GTF2A1: variants seen among roughly 807,000 people sequenced by gnomAD.
GTF2A1 encodes transcription initiation factor IIA subunit 1.
GTF2A1 carries 12 observed loss-of-function variants against 54.1 expected under a neutral mutation model. The ratio of observed to expected loss-of-function variants is 0.22; its 90% CI spans 0.14 to 0.36. GTF2A1 has a LOEUF of 0.36. GTF2A1 is among the 10% of genes least tolerant of loss of function. GTF2A1 has a pLI of 1.00. For missense variants in GTF2A1, 335 were observed against 442.2 expected, an observed-to-expected ratio of 0.76 and a Z score of 2.17; for synonymous variants, 145 against 152.0, an observed-to-expected ratio of 0.95 and a Z score of 0.34.
At position 81,220,803 on chromosome 14, in the gene GTF2A1, C is replaced by A. The variant is rs1294133499; in HGVS notation, c.-285G>T. 5 of 344,326 alleles carry A rather than the reference C, an allele frequency of 1.5e-5. No homozygotes were observed. Among genetic ancestry groups the A allele is most frequent in the Non-Finnish European group, 2.6e-5 (5 of 191,086 alleles). 21.3% of individuals were successfully genotyped at this position (344,326 alleles called of 1,614,324 possible). ...GGCGTTGCCCGCTCCCCACCCCGCG[C>A]CAAGGAGGGAAACCACCACCGGTCA... On this transcript the variant is annotated 5_prime_UTR_variant, in exon 1 of 9. Transcript: ENST00000553612.
At chr14:81,182,907 G>T (rs911711576) in intron 8 of GTF2A1, among the ~76,000 whole-genome samples, 1 of 152,152 alleles carries the variant, frequency 6.6e-6, no homozygotes, top group African/African-American at 2.4e-5. Flanking sequence ...CCAGATGACA[G>T]GGCTAACTCT....
At chr14:81,188,103 C>G (rs1458773833) in intron 7 of GTF2A1, among the ~76,000 whole-genome samples, 1 of 152,188 alleles carries the variant, frequency 6.6e-6, no homozygotes, top group East Asian at 1.9e-4. Context: ...TTTTCATATG[C>G]TTGTTAGCTA....
chr14:81,213,094 A>G (rs970888960), intron 2 of GTF2A1, among the ~76,000 whole-genome samples: 1 of 152,206 alleles, frequency 6.6e-6, no homozygotes, highest in Non-Finnish European at 1.5e-5. Context: ...ATATTACACT[A>G]TTTTGTTCAG....
At chr14:81,190,556 A>G (rs1892854805) in intron 7 of GTF2A1, among the ~76,000 whole-genome samples, 1 of 152,162 alleles carries the variant, frequency 6.6e-6, no homozygotes, top group South Asian at 2.1e-4. Context: ...AAATTATACA[A>G]ATCATTGCAG....
At chr14:81,203,230 C>G (rs1201704441) in intron 3 of GTF2A1, among the ~76,000 whole-genome samples, 1 of 152,182 alleles carries the variant, frequency 6.6e-6, no homozygotes, top group Non-Finnish European at 1.5e-5. Context: ...GAAACAGTAT[C>G]TATAAAATGA....
At chr14:81,181,208 T>C (rs933546823) in intron 8 of GTF2A1, among the ~76,000 whole-genome samples, 1 of 151,912 alleles carries the variant, frequency 6.6e-6, no homozygotes, top group African/African-American at 2.4e-5. Context: ...GGGAGAGGAG[T>C]TGTAAAACTT....
intron 3 of GTF2A1, among the ~76,000 whole-genome samples, chr14:81,202,284 T>C (rs1361159620): frequency 6.6e-6 from 1 of 152,204 alleles, no homozygotes; most frequent in African/African-American, 2.4e-5. Flanking sequence ...GTTAACTGTT[T>C]TACTGATACA....
chr14:81,205,027 C>T lies in GTF2A1; in HGVS notation c.133-923G>A, dbSNP rs1470364080. The stretch of plus-strand genomic sequence containing the variant: ...ACTTTGTCTTCTCCTCCAGGATTTG[C>T]TCTTGGCATATTGCCTAATTGACCT... On this transcript the variant is annotated intron_variant, in intron 2 of 8. Transcript: ENST00000553612. Among the ~76,000 whole-genome samples the T allele has an allele frequency of 3.3e-5, 5 of 152,324 alleles. No individual in the cohort carries two copies. The East Asian group carries it at 9.6e-4, about 29-fold the overall frequency.
At chr14:81,213,088 T>C (rs1893408358) in intron 2 of GTF2A1, among the ~76,000 whole-genome samples, 2 of 152,200 alleles carry the variant, frequency 1.3e-5, no homozygotes, top group South Asian at 4.1e-4. Flanking sequence ...ACAAGAATAT[T>C]ACACTATTTT....
intron 2 of GTF2A1, chr14:81,209,949 A>T: frequency 8.4e-7 from 1 of 1,195,106 alleles, no homozygotes; most frequent in Non-Finnish European, 1.1e-6. Flanking sequence ...AATTTCAAAG[A>T]AGGGAAAACA....
rs1423496442 is a variant in GTF2A1 at position 81,220,684 on chromosome 14, G to A, written c.-166C>T. 29 of 376,198 alleles carry A rather than the reference G, an allele frequency of 7.7e-5. No individual in the cohort carries two copies. The highest frequency in any genetic ancestry group is 5.7e-5 in the Non-Finnish European group (12 of 212,310). The allele number at this position is 376,198 out of a possible 1,614,324, so 23.3% of individuals were successfully genotyped here. A position where few individuals can be genotyped will look rare whatever the true frequency, so the allele number is the denominator to read the frequency against. Reference sequence around the variant, plus strand: ...CTGAAGGAGTAGGGGAGAGCGGAGAGAGGAGGAGGAGGGGGGCACTCCTCC... The same window carrying A: ...CTGAAGGAGTAGGGGAGAGCGGAGAAAGGAGGAGGAGGGGGGCACTCCTCC... On this transcript the variant is annotated 5_prime_UTR_variant, in exon 1 of 9. Coordinates refer to ENST00000553612, the MANE Select transcript of GTF2A1 (RefSeq NM_015859.4).
intron 8 of GTF2A1, 41 bp downstream of exon 8, chr14:81,185,490 C>T (rs1464849146): frequency 9.2e-7 from 1 of 1,084,436 alleles, no homozygotes; most frequent in Non-Finnish European, 1.4e-6. Flanking sequence ...GAAGAAATTA[C>T]AACACAAATA....
chr14:81,210,737 T>C (rs1396022263), intron 2 of GTF2A1, among the ~76,000 whole-genome samples: 1 of 152,132 alleles, frequency 6.6e-6, no homozygotes, highest in Non-Finnish European at 1.5e-5. Flanking sequence ...GTATTTTTAG[T>C]AGATACGGGG....
chr14:81,215,795 G>A (rs763158495), intron 2 of GTF2A1, among the ~76,000 whole-genome samples: 27 of 152,078 alleles, frequency 1.8e-4, no homozygotes, highest in Admixed American at 6.5e-5. Flanking sequence ...TATCACTTTG[G>A]GAGGCCGAGG....
In GTF2A1 at chr14:81,220,571, A is replaced by T. The variant is rs2140049178; in HGVS notation, c.-53T>A. On this transcript the variant is annotated 5_prime_UTR_variant, in exon 1 of 9. Coordinates refer to ENST00000553612, the MANE Select transcript of GTF2A1 (RefSeq NM_015859.4). Reference sequence around the variant, plus strand: ...GCAACCCCAAGAAAACAAGATAAAAACAAAACCAAAAAAAAAAAAACTATA... The same window carrying T: ...GCAACCCCAAGAAAACAAGATAAAATCAAAACCAAAAAAAAAAAAACTATA... 6.9e-7 allele frequency: 1 copy of T among 1,449,346 alleles called. No homozygotes were observed. The highest frequency in any genetic ancestry group is 1.5e-5 in the African/African-American group (1 of 64,874). The allele number at this position is 1,449,346 out of a possible 1,614,324, so 89.8% of individuals were successfully genotyped here.
intron 4 of GTF2A1, among the ~76,000 whole-genome samples, chr14:81,197,943 A>G (rs971439224): frequency 5.3e-5 from 8 of 152,208 alleles, no homozygotes; most frequent in African/African-American, 1.9e-4. Flanking sequence ...AAGTATAATT[A>G]TCTACTTTTT....
chr14:81,220,573 A>C lies in GTF2A1; in HGVS notation c.-55T>G. On this transcript the variant is annotated 5_prime_UTR_variant, in exon 1 of 9. Coordinates refer to ENST00000553612, the MANE Select transcript of GTF2A1 (RefSeq NM_015859.4). Reference sequence around the variant, plus strand: ...AACCCCAAGAAAACAAGATAAAAACAAAACCAAAAAAAAAAAAACTATAAC... The same window carrying C: ...AACCCCAAGAAAACAAGATAAAAACCAAACCAAAAAAAAAAAAACTATAAC... 1 of 1,396,640 alleles carries C rather than the reference A, an allele frequency of 7.2e-7. No individual in the cohort carries two copies. The highest frequency in any genetic ancestry group is 9.6e-7 in the Non-Finnish European group (1 of 1,036,672). 86.5% of individuals were successfully genotyped at this position (1,396,640 alleles called of 1,614,324 possible).
intron 8 of GTF2A1, among the ~76,000 whole-genome samples, chr14:81,183,778 T>G (rs1296196755): frequency 1.3e-5 from 2 of 152,236 alleles, no homozygotes; most frequent in Non-Finnish European, 2.9e-5. Context: ...GATTCTGATT[T>G]GATTGGCAAT....
intron 2 of GTF2A1, among the ~76,000 whole-genome samples, chr14:81,215,278 C>G (rs1488190951): frequency 6.6e-6 from 1 of 152,180 alleles, no homozygotes; most frequent in African/African-American, 2.4e-5. Context: ...TGCTTATTTA[C>G]AGTTATCTCA....
Sources: gnomAD v4.1 joint callset for allele counts (sites outside exome capture counted in the v4.1 genomes callset) on GRCh38, gnomAD v4.1.1 for gene constraint, MANE v1.5 for transcripts, NCBI Gene and HGNC (gene_info 2026-07-23, HGNC 2026-07-21) for gene names.